GNA12: variants seen among roughly 807,000 people sequenced by gnomAD.
GNA12 encodes the protein G protein subunit alpha 12, also known as guanine nucleotide-binding protein subunit alpha-12.
In GNA12, 9 loss-of-function variants were observed where a neutral mutation model predicts 26.0. The ratio of observed to expected loss-of-function variants is 0.35; its 90% confidence interval spans 0.21 to 0.60. GNA12 has a LOEUF of 0.60. Among genes scored for constraint, GNA12 ranks in the 20% least tolerant of loss-of-function variants. The probability of loss-of-function intolerance (pLI) is 0.78; values close to 1 mark genes in which losing one functional copy is unlikely to be tolerated. For missense variants in GNA12, 405 were observed against 525.8 expected, an observed-to-expected ratio of 0.77 and a Z score of 2.25; for synonymous variants, 264 against 219.6, an observed-to-expected ratio of 1.20 and a Z score of -1.79.
intron 2 of GNA12, chr7:2,762,763 C>T (rs768184295): frequency 1.9e-4 from 301 of 1,548,960 alleles, no homozygotes; most frequent in Middle Eastern, 5.0e-4. Context: ...CCAGGCCCGT[C>T]CTTTCCACCC....
At chr7:2,824,239 G>A (rs1038058514) in intron 1 of GNA12, among the ~76,000 whole-genome samples, 1 of 152,170 alleles carries the variant, frequency 6.6e-6, no homozygotes, top group Non-Finnish European at 1.5e-5. Flanking sequence ...CCCCGTGAAT[G>A]TCCAAGTCAG....
In GNA12 at chr7:2,780,060, A is replaced by G. The variant is rs1446246300; in HGVS notation, c.525+14868T>C. 2.5e-3 allele frequency among the ~76,000 whole-genome samples: 148 copies of G among 58,440 alleles called. 7 individuals carry two copies. In the Middle Eastern group the frequency reaches 0.029, roughly 11 times the overall value. The allele number at this position is 58,440 out of a possible 152,430, so 38.3% of individuals were successfully genotyped here. A position where few individuals can be genotyped will look rare whatever the true frequency, so the allele number is the denominator to read the frequency against. ...TACACATTTCTGTGTACATATATAT[A>G]TATATATATATATATATATATATAT... On this transcript the variant is annotated intron_variant, in intron 2 of 3. Transcript: ENST00000275364.
Position 2,831,692 on chromosome 7 carries a change from C to T in GNA12, c.309+12161G>A, listed in dbSNP as rs532905547. ...TGCTGGGATTACAGGCATGAACCACCGCGCCCCGCCTGGAACTTCATTTTC... is the reference window on the plus strand; with the variant it reads ...TGCTGGGATTACAGGCATGAACCACTGCGCCCCGCCTGGAACTTCATTTTC... On this transcript the variant is annotated intron_variant, in intron 1 of 3. Transcript: ENST00000275364. Among the ~76,000 whole-genome samples, 15 of 152,054 alleles carry T rather than the reference C, an allele frequency of 9.9e-5. No individual in the cohort carries two copies. The South Asian group carries it at 2.9e-3, about 30-fold the overall frequency.
At chr7:2,738,534 G>T (rs541122454) in intron 2 of GNA12, among the ~76,000 whole-genome samples, 12 of 152,228 alleles carry the variant, frequency 7.9e-5, no homozygotes, top group African/African-American at 2.6e-4. Flanking sequence ...TGTAAGAAAT[G>T]GCGGGAGACT....
intron 2 of GNA12, among the ~76,000 whole-genome samples, chr7:2,751,501 G>A (rs1415353409): frequency 2.0e-5 from 3 of 151,368 alleles, no homozygotes; most frequent in Admixed American, 6.6e-5. Context: ...TAAACTCAAG[G>A]TAAGCAGGAG....
At chr7:2,743,696 A>T (rs1463997752) in intron 2 of GNA12, among the ~76,000 whole-genome samples, 2 of 152,104 alleles carry the variant, frequency 1.3e-5, no homozygotes, top group Admixed American at 6.5e-5. Flanking sequence ...GGCGCAGCGC[A>T]CTGTGCGCGA....
intron 1 of GNA12, among the ~76,000 whole-genome samples, chr7:2,828,402 G>A (rs1793530552): frequency 6.6e-6 from 1 of 152,202 alleles, no homozygotes; most frequent in Non-Finnish European, 1.5e-5. Context: ...AGCCCGGGCT[G>A]GAGTGAAGTG....
rs190077722 is a variant in GNA12, at chr7:2,806,905, G to C, written c.310-11762C>G. Among the ~76,000 whole-genome samples, 36 of 152,280 alleles carry C rather than the reference G, an allele frequency of 2.4e-4. No individual in the cohort carries two copies. The East Asian group carries it at 5.0e-3, about 21-fold the overall frequency. On this transcript the variant is annotated intron_variant, in intron 1 of 3. Transcript: ENST00000275364. ...GCTATTTTCTTGTGACAAATTCCTA[G>C]ATGTTGAATTATAAAACTGCTGGGT...
intron 1 of GNA12, among the ~76,000 whole-genome samples, chr7:2,843,562 G>C (rs1056086211): frequency 6.6e-5 from 10 of 152,042 alleles, no homozygotes; most frequent in African/African-American, 9.7e-5. Flanking sequence ...AGGGAGTAGG[G>C]CTTGAGCCTG....
intron 2 of GNA12, among the ~76,000 whole-genome samples, chr7:2,788,870 G>A (rs960132391): frequency 2.0e-5 from 3 of 152,154 alleles, no homozygotes; most frequent in African/African-American, 7.2e-5. Context: ...GCACAGGCTG[G>A]AGTGCAGTGG....
At chr7:2,762,654 C>A (rs1037564291) in intron 2 of GNA12, 2 of 1,598,858 alleles carry the variant, frequency 1.3e-6, no homozygotes, top group Admixed American at 1.7e-5. Context: ...AGCGGCAGGA[C>A]GATGAGAGGA....
At chr7:2,745,043 T>C (rs996852229) in intron 2 of GNA12, among the ~76,000 whole-genome samples, 4 of 152,214 alleles carry the variant, frequency 2.6e-5, no homozygotes, top group East Asian at 1.9e-4. Flanking sequence ...CTACATCTGA[T>C]TGGTGTACCT....
chr7:2,743,457 C>T (rs1040093516), intron 2 of GNA12, among the ~76,000 whole-genome samples: 1 of 152,150 alleles, frequency 6.6e-6, no homozygotes, highest in African/African-American at 2.4e-5. Flanking sequence ...ACTGGGATGG[C>T]TTGACACAGA....
At chr7:2,816,015 C>T (rs187502659) in intron 1 of GNA12, among the ~76,000 whole-genome samples, 17 of 152,374 alleles carry the variant, frequency 1.1e-4, no homozygotes, top group African/African-American at 1.7e-4. Flanking sequence ...AGCAACTCTG[C>T]GTCTAAGTAC....
intron 1 of GNA12, 143 bp downstream of exon 1, chr7:2,843,710 G>T: frequency 2.3e-6 from 1 of 434,846 alleles, no homozygotes; most frequent in East Asian, 3.7e-5. Flanking sequence ...GGGTCGGGGG[G>T]GAGTGGGGTG....
At chr7:2,736,756 C>T (rs549547764) in intron 2 of GNA12, among the ~76,000 whole-genome samples, 3 of 152,346 alleles carry the variant, frequency 2.0e-5, no homozygotes, top group African/African-American at 4.8e-5. Context: ...GGCTTGCTGC[C>T]GCTCAGAACT....
At chr7:2,733,219 CT>C (rs541676262) in intron 3 of GNA12, among the ~76,000 whole-genome samples, 3 of 151,900 alleles carry the variant, frequency 2.0e-5, no homozygotes, top group Non-Finnish European at 4.4e-5. Context: ...ATGAACTCCT[CT>C]GTCTGTCTCC....
chr7:2,801,545 A>C (rs1357460939), intron 1 of GNA12, among the ~76,000 whole-genome samples: 1 of 152,212 alleles, frequency 6.6e-6, no homozygotes, highest in African/African-American at 2.4e-5. Context: ...GAGCTGGTCC[A>C]AATGAACTGC....
intron 1 of GNA12, chr7:2,835,503 C>T: frequency 2.2e-6 from 1 of 448,642 alleles, no homozygotes; most frequent in Non-Finnish European, 4.1e-6. Context: ...GGCCATGGGT[C>T]CAAGGGGAGG....
Sources: allele counts gnomAD v4.1 joint callset (sites outside exome capture counted in the v4.1 genomes callset), GRCh38; gene constraint gnomAD v4.1.1; transcripts MANE v1.5; gene names NCBI Gene and HGNC (gene_info 2026-07-23, HGNC 2026-07-21).